SAMMSON: variants seen among roughly 807,000 people sequenced by gnomAD.
The protein encoded by SAMMSON is survival associated mitochondrial melanoma specific oncogenic non-coding RNA, also known as long intergenic non-protein coding RNA 1212.
intron 4 of SAMMSON, among the ~76,000 whole-genome samples, chr3:70,208,204 G>A (rs750435937): frequency 6.6e-6 from 1 of 152,068 alleles, no homozygotes; most frequent in Admixed American, 6.6e-5. Flanking sequence ...CAACTGGGAC[G>A]TGGTCAAGAG....
At chr3:70,321,167 C>G (rs1227251551) in intron 7 of SAMMSON, among the ~76,000 whole-genome samples, 3 of 152,026 alleles carry the variant, frequency 2.0e-5, no homozygotes, top group African/African-American at 7.2e-5. Context: ...TTTGACATAT[C>G]TATACATTCA....
intron 1 of SAMMSON, among the ~76,000 whole-genome samples, chr3:70,007,622 T>A (rs2066933806): frequency 6.6e-6 from 1 of 152,196 alleles, no homozygotes; most frequent in Non-Finnish European, 1.5e-5. Context: ...GTAGTTTTTT[T>A]TTTGCTGTGC....
intron 4 of SAMMSON, among the ~76,000 whole-genome samples, chr3:70,211,651 C>T (rs1701350854): frequency 7.3e-6 from 1 of 136,424 alleles, no homozygotes; most frequent in African/African-American, 2.7e-5. Context: ...CTTTGCCTTT[C>T]CCTTCCCTTC....
chr3:70,428,528 A>G lies in SAMMSON; in HGVS notation n.234-34032A>G, dbSNP rs572387186. Among the ~76,000 whole-genome samples the G allele has an allele frequency of 3.3e-5, 5 of 152,350 alleles. No individual in the cohort carries two copies. In the East Asian group the frequency reaches 9.6e-4, roughly 29 times the overall value. ...CTGAAACAATGGGATATCTATATATAAAAAAGAACTTGGAATCCAATGACT... is the reference window on the plus strand; with the variant it reads ...CTGAAACAATGGGATATCTATATATGAAAAAGAACTTGGAATCCAATGACT... On this transcript the variant is annotated intron_variant and non_coding_transcript_variant, in intron 2 of 3. Coordinates refer to the SAMMSON transcript ENST00000641053.
chr3:70,141,217 A>G (rs185171414), intron 4 of SAMMSON, among the ~76,000 whole-genome samples: 2 of 152,282 alleles, frequency 1.3e-5, no homozygotes, highest in Admixed American at 1.3e-4. Context: ...ATAAATATTT[A>G]TTATGAAAAT....
intron 2 of SAMMSON, among the ~76,000 whole-genome samples, chr3:70,420,074 G>A (rs530188599): frequency 2.6e-5 from 4 of 152,234 alleles, no homozygotes; most frequent in Admixed American, 2.0e-4. Context: ...TGTGTGAAGA[G>A]CCTTCCTGGT....
intron 4 of SAMMSON, among the ~76,000 whole-genome samples, chr3:70,128,593 T>G (rs542857077): frequency 6.6e-6 from 1 of 152,348 alleles, no homozygotes; most frequent in African/African-American, 2.4e-5. Flanking sequence ...TTTCCCTATC[T>G]ATCCTCTTTC....
At chr3:70,155,133 G>T (rs2067586758) in intron 4 of SAMMSON, among the ~76,000 whole-genome samples, 1 of 151,654 alleles carries the variant, frequency 6.6e-6, no homozygotes. Flanking sequence ...GCTATAATAG[G>T]TACCTATATC....
chr3:70,353,800 C>G (rs1272378476), intron 7 of SAMMSON, among the ~76,000 whole-genome samples: 2 of 152,066 alleles, frequency 1.3e-5, no homozygotes, highest in Non-Finnish European at 2.9e-5. Context: ...CATAATAACC[C>G]CAAAACTGAA....
chr3:70,353,871 T>C (rs775085555), intron 7 of SAMMSON, among the ~76,000 whole-genome samples: 1 of 152,216 alleles, frequency 6.6e-6, no homozygotes, highest in Non-Finnish European at 1.5e-5. Flanking sequence ...ATCTATTCCC[T>C]GGAATACAAC....
intron 9 of SAMMSON, among the ~76,000 whole-genome samples, chr3:70,383,544 A>C (rs9882080): frequency 0.016 from 2,397 of 152,124 alleles, 56 homozygotes; most frequent in East Asian, 0.043. Context: ...TCCCGGTGTC[A>C]GTGCCAATCT....
At chr3:70,352,608 A>G (rs1041542703) in intron 7 of SAMMSON, among the ~76,000 whole-genome samples, 30 of 152,136 alleles carry the variant, frequency 2.0e-4, no homozygotes, top group African/African-American at 7.2e-5. Context: ...GGTAAATCCA[A>G]TAGATTTTCT....
chr3:70,307,827 A>G (rs1220841750), intron 7 of SAMMSON, among the ~76,000 whole-genome samples: 1 of 152,098 alleles, frequency 6.6e-6, no homozygotes, highest in African/African-American at 2.4e-5. Context: ...GTCAGCACTC[A>G]ATCGGTTTTC....
Position 70,169,298 on chromosome 3 carries a change from A to AT in SAMMSON, n.508-79807dup, listed in dbSNP as rs140882480. 2.6e-4 allele frequency among the ~76,000 whole-genome samples: 39 copies of AT among 152,216 alleles called. 1 individual carries two copies. In the East Asian group the frequency reaches 7.5e-3, roughly 29 times the overall value. The stretch of plus-strand genomic sequence containing the variant: ...TAAGTATCAAATACACTATGAAGTC[A>AT]TTGAGTGAAGGCTATTCAGCCACAG... On this transcript the variant is annotated intron_variant and non_coding_transcript_variant, in intron 4 of 9. Coordinates refer to ENST00000642114, the Ensembl canonical transcript of SAMMSON.
In SAMMSON at chr3:70,304,673, C is replaced by T. The variant is rs551867874; in HGVS notation, n.739+13430C>T. Among the ~76,000 whole-genome samples the T allele has an allele frequency of 2.0e-5, 3 of 152,252 alleles. 1 individual carries two copies. The highest frequency in any genetic ancestry group is 7.2e-5 in the African/African-American group (3 of 41,540). On this transcript the variant is annotated intron_variant and non_coding_transcript_variant, in intron 7 of 9. Transcript: ENST00000642114. ...TTCATCTTCAAAGTTGTATCCTATC[C>T]CAGTTACCATCTTTTGCATGGCCAA...
chr3:70,187,743 A>G (rs555606776), intron 4 of SAMMSON, among the ~76,000 whole-genome samples: 6 of 151,910 alleles, frequency 3.9e-5, no homozygotes, highest in South Asian at 2.1e-4. Flanking sequence ...GCCGGGACCA[A>G]CTCTTTCTCA....
intron 3 of SAMMSON, among the ~76,000 whole-genome samples, chr3:70,054,581 A>T (rs995661714): frequency 6.6e-6 from 1 of 152,132 alleles, no homozygotes; most frequent in Non-Finnish European, 1.5e-5. Flanking sequence ...CTAGCAGGCT[A>T]AACTTGACCA....
At chr3:70,026,668 G>A (rs893724098) in intron 3 of SAMMSON, among the ~76,000 whole-genome samples, 12 of 152,162 alleles carry the variant, frequency 7.9e-5, no homozygotes, top group African/African-American at 2.9e-4. Context: ...GCTGATGGAA[G>A]CTCCAAGTCT....
intron 7 of SAMMSON, among the ~76,000 whole-genome samples, chr3:70,333,522 A>G (rs1459864078): frequency 2.0e-5 from 3 of 152,232 alleles, no homozygotes; most frequent in African/African-American, 7.2e-5. Flanking sequence ...TACCACACTC[A>G]TACGGATTCT....
Sources: allele counts gnomAD v4.1 joint callset (sites outside exome capture counted in the v4.1 genomes callset), GRCh38; gene constraint gnomAD v4.1.1; transcripts MANE v1.5; gene names NCBI Gene and HGNC (gene_info 2026-07-23, HGNC 2026-07-21).